The following DCLK1 variants were observed in gnomAD, a reference collection of about 807,000 sequenced individuals.
DCLK1 encodes doublecortin like kinase 1.
In DCLK1, 16 loss-of-function variants were observed where a neutral mutation model predicts 86.2. The observed-to-expected ratio is 0.19, with a 90% CI of 0.13 to 0.28. The LOEUF (loss-of-function observed/expected upper bound fraction) is 0.28, where lower values mean the gene tolerates loss of function less well. Among genes scored for constraint, DCLK1 ranks in the 10% least tolerant of loss-of-function variants. The probability of loss-of-function intolerance (pLI) is 1.00; values close to 1 mark genes in which losing one functional copy is unlikely to be tolerated. For synonymous variants in DCLK1, 369 were observed against 370.5 expected (o/e 1.00, Z 0.05); for missense variants, 590 against 940.2 (o/e 0.63, Z 4.87).
At chr13:35,965,307 G>C (rs1447162747) in intron 3 of DCLK1, among the ~76,000 whole-genome samples, 1 of 152,168 alleles carries the variant, frequency 6.6e-6, no homozygotes, top group Non-Finnish European at 1.5e-5. Context: ...GCCAGGCTGG[G>C]CATGCGTTGG....
intron 6 of DCLK1, among the ~76,000 whole-genome samples, chr13:35,840,501 A>G (rs1021481386): frequency 2.6e-5 from 4 of 152,228 alleles, no homozygotes; most frequent in African/African-American, 9.6e-5. Context: ...TTAAAGTAAT[A>G]GCAATAGTAC....
At chr13:35,999,879 C>A (rs1322315102) in intron 3 of DCLK1, among the ~76,000 whole-genome samples, 3 of 152,140 alleles carry the variant, frequency 2.0e-5, no homozygotes, top group Non-Finnish European at 4.4e-5. Flanking sequence ...AGACTACTGA[C>A]TTTTATACAC....
intron 4 of DCLK1, among the ~76,000 whole-genome samples, chr13:35,930,631 C>CAA (rs150052089): frequency 1.3e-5 from 2 of 151,580 alleles, no homozygotes; most frequent in African/African-American, 4.8e-5. Context: ...CAAACAAAAA[C>CAA]AAAAAAAACA....
intron 3 of DCLK1, among the ~76,000 whole-genome samples, chr13:35,977,512 T>A (rs1209267799): frequency 6.6e-6 from 1 of 152,210 alleles, no homozygotes; most frequent in African/African-American, 2.4e-5. Context: ...GCCCCAATAT[T>A]AGGTATTTGC....
intron 6 of DCLK1, chr13:35,850,506 C>G: frequency 8.2e-7 from 1 of 1,214,862 alleles, no homozygotes. Flanking sequence ...TCTCCCCAAT[C>G]AAATCCATGT....
At chr13:35,888,050 AT>A (rs1342714086) in intron 4 of DCLK1, among the ~76,000 whole-genome samples, 6 of 152,142 alleles carry the variant, frequency 3.9e-5, no homozygotes, top group African/African-American at 1.4e-4. Context: ...TAAGGCAGAC[AT>A]TTTTTAAGAG....
At chr13:36,065,634 A>C (rs1926316) in intron 3 of DCLK1, among the ~76,000 whole-genome samples, 58,492 of 151,948 alleles carry the variant, frequency 0.38, 11,454 homozygotes, top group South Asian at 0.6. Flanking sequence ...ATTGAACCTA[A>C]CCCTGAGAAT....
At chr13:36,056,738 T>G (rs995206868) in intron 3 of DCLK1, among the ~76,000 whole-genome samples, 14 of 150,588 alleles carry the variant, frequency 9.3e-5, no homozygotes, top group African/African-American at 3.4e-4. Flanking sequence ...TGCATGTGTG[T>G]GTATATAATA....
At chr13:36,099,235 TG>T (rs2138156414) in intron 3 of DCLK1, among the ~76,000 whole-genome samples, 1 of 152,348 alleles carries the variant, frequency 6.6e-6, no homozygotes, top group East Asian at 1.9e-4. Context: ...CCCAAAGTGC[TG>T]GGATTACAGG....
intron 16 of DCLK1, among the ~76,000 whole-genome samples, chr13:35,776,435 G>C (rs1313290924): frequency 6.6e-6 from 1 of 152,186 alleles, no homozygotes; most frequent in African/African-American, 2.4e-5. Flanking sequence ...AAAGAAAAAA[G>C]TCATTGGCAT....
At chr13:36,101,276 GT>G (rs1348510334) in intron 3 of DCLK1, among the ~76,000 whole-genome samples, 15 of 152,140 alleles carry the variant, frequency 9.9e-5, no homozygotes, top group South Asian at 2.1e-4. Context: ...TTTAACCTAC[GT>G]TTATTCTCCA....
At position 35,828,242 on chromosome 13, in the gene DCLK1, A is replaced by G. The variant is rs1439738315; in HGVS notation, c.1287+8T>C. 5.0e-6 allele frequency: 8 copies of G among 1,608,046 alleles called. No individual in the cohort carries two copies. Among genetic ancestry groups the G allele is most frequent in the Admixed American group, 3.3e-5 (2 of 59,972 alleles). ...CTCTTATCTCATAAGAACAAATTTTATACATACTTTGCCTCGACATTTGCT... is the reference window on the plus strand; with the variant it reads ...CTCTTATCTCATAAGAACAAATTTTGTACATACTTTGCCTCGACATTTGCT... On this transcript the variant is annotated splice_region_variant and intron_variant, in intron 9 of 16. Coordinates refer to ENST00000360631, the MANE Select transcript of DCLK1 (RefSeq NM_001330071.2).
chr13:35,949,447 C>G (rs1877548870), intron 3 of DCLK1, among the ~76,000 whole-genome samples: 1 of 152,214 alleles, frequency 6.6e-6, no homozygotes, highest in African/African-American at 2.4e-5. Context: ...GTTATCCACT[C>G]TGCTCCTAGG....
At chr13:36,079,046 A>T (rs1290411455) in intron 3 of DCLK1, among the ~76,000 whole-genome samples, 3 of 152,162 alleles carry the variant, frequency 2.0e-5, no homozygotes, top group Admixed American at 2.0e-4. Flanking sequence ...ACTTTACATT[A>T]AAGAAGCTGT....
At chr13:35,846,809 A>G in intron 6 of DCLK1, 1 of 985,228 alleles carries the variant, frequency 1.0e-6, no homozygotes, top group African/African-American at 1.7e-5. Context: ...TCATTCGATT[A>G]ACATTTTCAA....
chr13:36,022,021 A>G (rs1881806466), intron 3 of DCLK1, among the ~76,000 whole-genome samples: 1 of 152,090 alleles, frequency 6.6e-6, no homozygotes, highest in Non-Finnish European at 1.5e-5. Flanking sequence ...TAGACCATGT[A>G]TTAAGCCATA....
chr13:36,097,163 G>C (rs1885047242), intron 3 of DCLK1, among the ~76,000 whole-genome samples: 6 of 152,134 alleles, frequency 3.9e-5, no homozygotes, highest in Admixed American at 3.3e-4. Flanking sequence ...AGAAAAATGA[G>C]GTCAACATTT....
At chr13:35,889,009 T>G (rs1407821718) in intron 4 of DCLK1, among the ~76,000 whole-genome samples, 1 of 152,236 alleles carries the variant, frequency 6.6e-6, no homozygotes, top group East Asian at 1.9e-4. Context: ...TCCAAAAATA[T>G]TAGCAGAGAT....
chr13:35,908,774 T>C (rs1874825697), intron 4 of DCLK1, among the ~76,000 whole-genome samples: 2 of 152,104 alleles, frequency 1.3e-5, no homozygotes, highest in Admixed American at 6.5e-5. Flanking sequence ...TAGCTGGAAC[T>C]ACTGGCGCCC....
Sources: gnomAD v4.1 joint callset for allele counts (sites outside exome capture counted in the v4.1 genomes callset) on GRCh38, gnomAD v4.1.1 for gene constraint, MANE v1.5 for transcripts, NCBI Gene and HGNC (gene_info 2026-07-23, HGNC 2026-07-21) for gene names.